Variants in CHD5 observed in about 807,000 individuals in gnomAD.
The protein encoded by CHD5 is ATP-dependent chromatin remodeler CHD5.
In CHD5, 69 loss-of-function variants were observed where a neutral mutation model predicts 230.3. The ratio of observed to expected loss-of-function variants is 0.30; its 90% CI spans 0.25 to 0.37. The LOEUF (loss-of-function observed/expected upper bound fraction) is 0.37, where lower values mean the gene tolerates loss of function less well. Ranked by LOEUF, CHD5 falls within the 10% of genes least tolerant of loss-of-function variation. The probability of loss-of-function intolerance (pLI) is 1.00; values close to 1 mark genes in which losing one functional copy is unlikely to be tolerated. For missense variants in CHD5, 1,827 were observed against 2,622.8 expected (o/e 0.70, Z 6.63); for synonymous variants, 1,064 against 1,065.9 (o/e 1.00, Z 0.03).
chr1:6,137,233 G>A (rs903820977), intron 15 of CHD5, among the ~76,000 whole-genome samples: 6 of 151,794 alleles, frequency 4.0e-5, no homozygotes, highest in Middle Eastern at 6.5e-3. Flanking sequence ...TCAGCCTCCC[G>A]AGTAGCTGGG....
Position 6,132,065 on chromosome 1 carries a change from T to C in CHD5, c.3145-317A>G, listed in dbSNP as rs543769730. Among the ~76,000 whole-genome samples, 7 of 151,826 alleles carry C rather than the reference T, an allele frequency of 4.6e-5. No homozygotes were observed. In the South Asian group the frequency reaches 1.5e-3, roughly 32 times the overall value. Reference sequence around the variant, plus strand: ...TGTATTCAAGGCGCTGCAGGACGAGTGCTCCTTCACAGCCCCCAGCCATTC... The same window carrying C: ...TGTATTCAAGGCGCTGCAGGACGAGCGCTCCTTCACAGCCCCCAGCCATTC... On this transcript the variant is annotated intron_variant, in intron 20 of 41. Transcript: ENST00000262450.
Position 6,124,672 on chromosome 1 carries a change from G to GGA in CHD5, c.4395-12_4395-11insTC, listed in dbSNP as rs1666524972. 8.2e-7 allele frequency: 1 copy of GGA among 1,223,170 alleles called. No individual in the cohort carries two copies. Among genetic ancestry groups the GGA allele is most frequent in the African/African-American group, 1.5e-5 (1 of 64,744 alleles). The allele number at this position is 1,223,170 out of a possible 1,614,324, so 75.8% of individuals were successfully genotyped here. ...AGGGACACATAGGCTCTGGGGTGGG[G>GGA]GGGGGGGACTGGGGCTCAGGGAGTG... On this transcript the variant is annotated splice_polypyrimidine_tract_variant and intron_variant, in intron 29 of 41. Coordinates refer to ENST00000262450, the MANE Select transcript of CHD5 (RefSeq NM_015557.3).
Position 6,126,828 on chromosome 1 carries a change from C to T in CHD5, c.3904-82G>A, listed in dbSNP as rs1313544331. 1.5e-6 allele frequency: 2 copies of T among 1,316,330 alleles called. No homozygotes were observed. Among genetic ancestry groups the T allele is most frequent in the African/African-American group, 1.5e-5 (1 of 68,910 alleles). The allele number at this position is 1,316,330 out of a possible 1,614,324, so 81.5% of individuals were successfully genotyped here. On this transcript the variant is annotated intron_variant, in intron 25 of 41. Transcript: ENST00000262450. The surrounding 1 kb of genome is among the most constrained non-coding windows in gnomAD (Gnocchi z 5.7). ...CCTCAGGCTGCCTCCACCTGACCTG[C>T]CCTTTGCCCCCTCAGGGCTCAAGGA... is the stretch of plus-strand genomic sequence containing the variant.
At position 6,125,554 on chromosome 1, in the gene CHD5, C is replaced by A; in HGVS notation, c.4230G>T (p.Pro1410=). Residue 1410 remains proline, a synonymous_variant, in exon 28 of 42, where the codon CCG becomes CCT. Coordinates refer to ENST00000262450, the MANE Select transcript of CHD5 (RefSeq NM_015557.3). This position sits in a 1 kb window ranked among gnomAD's most constrained non-coding sequence, Gnocchi z 6.7. ...LKSDRDKPLP[P]LLARVGGNIE... ...TGTTGCCACCAACTCGGGCGAGAAG[C>A]GGGGGCAGGGGCTTGTCCCTGTCAC... 6.3e-7 allele frequency: 1 copy of A among 1,599,746 alleles called. No individual in the cohort carries two copies. The highest frequency in any genetic ancestry group is 1.1e-5 in the South Asian group (1 of 89,292).
Position 6,151,164 on chromosome 1 carries a change from G to A in CHD5, c.871-9C>T. 1 of 1,601,828 alleles carries A rather than the reference G, an allele frequency of 6.2e-7. No homozygotes were observed. ...CTCTCATCTTCTTCACTCTGCAGGGGAAGACAGGGTCCTGTGATCCCAGGG... is the reference window on the plus strand; with the variant it reads ...CTCTCATCTTCTTCACTCTGCAGGGAAAGACAGGGTCCTGTGATCCCAGGG... On this transcript the variant is annotated splice_polypyrimidine_tract_variant and intron_variant, in intron 6 of 41. Coordinates refer to ENST00000262450, the MANE Select transcript of CHD5 (RefSeq NM_015557.3).
intron 2 of CHD5, among the ~76,000 whole-genome samples, chr1:6,160,480 C>A (rs1047113187): frequency 2.6e-5 from 4 of 152,016 alleles, no homozygotes; most frequent in Non-Finnish European, 5.9e-5. Flanking sequence ...AGAGCCCCAG[C>A]CAGGGAAGGG....
intron 2 of CHD5, among the ~76,000 whole-genome samples, chr1:6,165,736 G>C (rs1308165161): frequency 3.9e-5 from 6 of 152,128 alleles, no homozygotes; most frequent in African/African-American, 1.4e-4. Context: ...AGCAGCAGAA[G>C]AGGAGGGCGG....
At chr1:6,175,990 G>A (rs773243784) in intron 1 of CHD5, among the ~76,000 whole-genome samples, 1 of 151,678 alleles carries the variant, frequency 6.6e-6, no homozygotes, top group Non-Finnish European at 1.5e-5. Context: ...GGGTAGATGT[G>A]GGTGGGTAGG....
At chr1:6,122,989 C>T (rs761682875) in intron 31 of CHD5, among the ~76,000 whole-genome samples, 30 of 151,948 alleles carry the variant, frequency 2.0e-4, no homozygotes, top group Non-Finnish European at 3.7e-4. Context: ...ATCGCTTGAA[C>T]CTGGGAGGCG....
rs763576517 is a variant in CHD5, at chr1:6,152,499, A to G, written c.783T>C (p.Asp261=). ...TTTTCCCTTTGCCCTTTTTCTTCCC[A>G]TCTTTGGAGCCTTTGATCTTCTTCC... ...GVRKKIKGSK[D]GKKKGKGKKT... Residue 261 remains aspartate (D), a synonymous_variant, in exon 6 of 42, where the codon GAT becomes GAC. Coordinates refer to ENST00000262450, the MANE Select transcript of CHD5 (RefSeq NM_015557.3). The G allele has an allele frequency of 6.2e-7, 1 of 1,613,688 alleles. No individual in the cohort carries two copies. The highest frequency in any genetic ancestry group is 2.2e-5 in the East Asian group (1 of 44,846).
rs150260986 is a variant in CHD5 at position 6,146,817 on chromosome 1, G to C, written c.1438C>G (p.Pro480Ala). The C allele has an allele frequency of 5.4e-5, 85 of 1,574,884 alleles. No homozygotes were observed. The African/African-American group carries it at 1.1e-3, about 20-fold the overall frequency. The change falls in exon 10 of 42, where the codon CCC becomes GCC. Residue 480 changes from proline to alanine, a missense_variant. Pro to Ala is a conservative substitution (Grantham distance 27). Coordinates refer to ENST00000262450, the MANE Select transcript of CHD5 (RefSeq NM_015557.3). This position sits in a 1 kb window ranked among gnomAD's most constrained non-coding sequence, Gnocchi z 5.1. ...QRILHWRWTE[P>A]PAPFMVGLPG... Reference sequence around the variant, plus strand: ...AGCCCCACCATGAAGGGGGCAGGGGGCTCCGTCCACCTCCAGTGTAGAATC... The same window carrying C: ...AGCCCCACCATGAAGGGGGCAGGGGCCTCCGTCCACCTCCAGTGTAGAATC...
chr1:6,138,402 A>G (rs1159173634), intron 15 of CHD5, among the ~76,000 whole-genome samples: 1 of 151,816 alleles, frequency 6.6e-6, no homozygotes, highest in Non-Finnish European at 1.5e-5. Flanking sequence ...AAGCAAATTT[A>G]AAACACCTTG....
chr1:6,107,580 T>G (rs111067950), intron 38 of CHD5, among the ~76,000 whole-genome samples: 6,933 of 107,620 alleles, frequency 0.064, 365 homozygotes, highest in East Asian at 0.24. Flanking sequence ...TAAAGGGATG[T>G]AGGGATGATG....
Position 6,128,815 on chromosome 1 carries a change from G to A in CHD5, c.3619+23C>T, listed in dbSNP as rs547117982. ...CCGGGCCACCCCAGTCCCCTGCCACGCTCCCTCGGAACAGAGGCCCACCCT... is the reference window on the plus strand; with the variant it reads ...CCGGGCCACCCCAGTCCCCTGCCACACTCCCTCGGAACAGAGGCCCACCCT... On this transcript the variant is annotated intron_variant, in intron 23 of 41. Coordinates refer to ENST00000262450, the MANE Select transcript of CHD5 (RefSeq NM_015557.3). The surrounding 1 kb of genome is among the most constrained non-coding windows in gnomAD (Gnocchi z 7.8). The A allele has an allele frequency of 2.5e-5, 40 of 1,588,212 alleles. No homozygotes were observed. In the East Asian group the frequency reaches 6.1e-4, roughly 24 times the overall value.
At position 6,146,165 on chromosome 1, in the gene CHD5, TG is replaced by T; in HGVS notation, c.1802+46del. The T allele has an allele frequency of 6.3e-7, 1 of 1,586,200 alleles. No individual in the cohort carries two copies. Among genetic ancestry groups the T allele is most frequent in the South Asian group, 1.1e-5 (1 of 89,574 alleles). On this transcript the variant is annotated intron_variant, in intron 11 of 41. Coordinates refer to ENST00000262450, the MANE Select transcript of CHD5 (RefSeq NM_015557.3). This position sits in a 1 kb window ranked among gnomAD's most constrained non-coding sequence, Gnocchi z 5.1. ...ATTTTACAGGGCAAAGAAGCTGACG[TG>T]GCCCGGCCCCAGCGATGGGCAGGGT...
intron 15 of CHD5, 150 bp from the exon 16 acceptor site, chr1:6,137,015 G>C: frequency 1.4e-6 from 1 of 713,106 alleles, no homozygotes. Flanking sequence ...CAGAGGGGCA[G>C]ATGCTGACCA....
rs139110324 is a variant in CHD5, at chr1:6,177,013, C to T, written c.79+2932G>A. ...CCAGAGCTGGCCAGGGCAAACCTCCCCCTCCCCACCATCACTGCACGGGAA... is the reference window on the plus strand; with the variant it reads ...CCAGAGCTGGCCAGGGCAAACCTCCTCCTCCCCACCATCACTGCACGGGAA... On this transcript the variant is annotated intron_variant, in intron 1 of 41. Transcript: ENST00000262450. Among the ~76,000 whole-genome samples, 1,047 of 152,288 alleles carry T rather than the reference C, an allele frequency of 6.9e-3. 9 individuals carry two copies. Among genetic ancestry groups the T allele is most frequent in the African/African-American group, 0.023 (948 of 41,552 alleles).
rs751499625 is a variant in CHD5, at chr1:6,148,997, C to A, written c.1240G>T (p.Asp414Tyr). 3 of 1,607,898 alleles carry A rather than the reference C, an allele frequency of 1.9e-6. No individual in the cohort carries two copies. The South Asian group carries it at 3.3e-5, about 18-fold the overall frequency. Residue 414 changes from aspartate to tyrosine, a missense_variant, in exon 9 of 42, where the codon GAC becomes TAC. Physicochemically the swap from Asp to Tyr is radical, Grantham distance 160. Coordinates refer to ENST00000262450, the MANE Select transcript of CHD5 (RefSeq NM_015557.3). Reference protein sequence around the residue: ...EEGGCEEEEDDHMEFCRVCKD... With the variant: ...EEGGCEEEEDYHMEFCRVCKD... ...CACACGCGGCAGAACTCCATGTGGT[C>A]GTCCTCCTCCTCCTCGCAGCCGCCC...
Position 6,121,580 on chromosome 1 carries a change from G to C in CHD5, c.4700-7C>G. The C allele has an allele frequency of 1.2e-6, 2 of 1,609,474 alleles. No homozygotes were observed. Among genetic ancestry groups the C allele is most frequent in the Non-Finnish European group, 1.7e-6 (2 of 1,177,164 alleles). On this transcript the variant is annotated splice_polypyrimidine_tract_variant and splice_region_variant and intron_variant, in intron 31 of 41. Transcript: ENST00000262450. This position sits in a 1 kb window ranked among gnomAD's most constrained non-coding sequence, Gnocchi z 4.5. ...AGCTGGGCTTCCATTTTGTCTGAAA[G>C]ATCAAGGGAAAGAGCTGAGACAGGT...
Sources: allele counts gnomAD v4.1 joint callset (sites outside exome capture counted in the v4.1 genomes callset), GRCh38; gene constraint gnomAD v4.1.1; non-coding constraint Gnocchi (gnomAD v3.1); transcripts MANE v1.5; gene names NCBI Gene and HGNC (gene_info 2026-07-23, HGNC 2026-07-21).